The following NSMAF variants were observed in gnomAD, a reference collection of about 807,000 sequenced individuals.
NSMAF encodes protein FAN.
In NSMAF, 90 loss-of-function variants were observed where a neutral mutation model predicts 134.9. That is an observed-to-expected ratio of 0.67 (90% confidence interval 0.56 to 0.79). NSMAF has a LOEUF of 0.79. NSMAF is among the 30% of genes least tolerant of loss of function. NSMAF has a pLI of 0.00. For synonymous variants in NSMAF, 358 were observed against 389.6 expected, an observed-to-expected ratio of 0.92 and a Z score of 0.96; for missense variants, 1,010 against 1,119.0, an observed-to-expected ratio of 0.90 and a Z score of 1.39.
chr8:58,656,597 C>A (rs984749829), intron 1 of NSMAF, among the ~76,000 whole-genome samples: 3 of 151,910 alleles, frequency 2.0e-5, no homozygotes, highest in Non-Finnish European at 4.4e-5. Flanking sequence ...GAGGCCAAGG[C>A]GGGTGGGTGG....
At chr8:58,624,529 G>C (rs1806872445) in intron 6 of NSMAF, among the ~76,000 whole-genome samples, 1 of 150,896 alleles carries the variant, frequency 6.6e-6, no homozygotes, top group Non-Finnish European at 1.5e-5. Context: ...TTTTTTGAGA[G>C]AATGTTGTTT....
At chr8:58,594,675 T>A (rs183904597) in intron 22 of NSMAF, 167 of 205,186 alleles carry the variant, frequency 8.1e-4, no homozygotes, top group Non-Finnish European at 1.4e-3. Context: ...ACTCAGTGAC[T>A]ATTCAATGAT....
At position 58,589,361 on chromosome 8, in the gene NSMAF, TATA is replaced by T. The variant is rs1805972877; in HGVS notation, c.2211+88_2211+90del. The T allele has an allele frequency of 2.9e-5, 31 of 1,064,560 alleles. 2 individuals are homozygous for T. The South Asian group carries it at 8.0e-4, about 27-fold the overall frequency. The allele number at this position is 1,064,560 out of a possible 1,614,324, so 65.9% of individuals were successfully genotyped here. A position where few individuals can be genotyped will look rare whatever the true frequency, so the allele number is the denominator to read the frequency against. Reference sequence around the variant, plus strand: ...ATTAGCAATAGGTAGTTGAGTGGCTTATAATATCTGTATGTACATTTTAAGCTA... The same window carrying T: ...ATTAGCAATAGGTAGTTGAGTGGCTTATATCTGTATGTACATTTTAAGCTA... On this transcript the variant is annotated intron_variant, in intron 26 of 30. Coordinates refer to ENST00000038176, the MANE Select transcript of NSMAF (RefSeq NM_003580.4).
At chr8:58,599,557 G>A in intron 18 of NSMAF, 193 bp downstream of exon 18, 1 of 866,250 alleles carries the variant, frequency 1.2e-6, no homozygotes, top group Non-Finnish European at 1.7e-6. Flanking sequence ...TTCACATTAA[G>A]GTCTCTCAAA....
intron 10 of NSMAF, among the ~76,000 whole-genome samples, chr8:58,608,787 CAG>C (rs1178720343): frequency 2.0e-5 from 3 of 152,174 alleles, no homozygotes; most frequent in Non-Finnish European, 1.5e-5. Context: ...ATCTTTCACT[CAG>C]GAGAGTTTGA....
At chr8:58,647,718 C>G (rs1345665081) in intron 1 of NSMAF, among the ~76,000 whole-genome samples, 2 of 152,202 alleles carry the variant, frequency 1.3e-5, no homozygotes, top group Non-Finnish European at 2.9e-5. Context: ...TAAAAGCTCC[C>G]TGAGGCTTAC....
intron 2 of NSMAF, among the ~76,000 whole-genome samples, chr8:58,639,698 C>G (rs1398442154): frequency 6.6e-6 from 1 of 152,028 alleles, no homozygotes; most frequent in Admixed American, 6.6e-5. Context: ...GATTTGGGAT[C>G]AATCTAAGTG....
At chr8:58,633,837 C>T (rs1003618023) in intron 5 of NSMAF, among the ~76,000 whole-genome samples, 7 of 152,084 alleles carry the variant, frequency 4.6e-5, no homozygotes, top group African/African-American at 1.7e-4. Context: ...TTAAATAATG[C>T]TTGAAAGAGT....
At chr8:58,587,729 T>C (rs1330970165) in intron 26 of NSMAF, 28 bp from the exon 27 acceptor site, 1 of 1,588,674 alleles carries the variant, frequency 6.3e-7, no homozygotes. Context: ...GCAGAAGGTA[T>C]TTTCAAACAT....
intron 11 of NSMAF, among the ~76,000 whole-genome samples, chr8:58,606,861 C>T (rs966562080): frequency 2.6e-5 from 4 of 152,050 alleles, no homozygotes; most frequent in South Asian, 4.2e-4. Context: ...CTTATAATGG[C>T]GAATAAATGA....
At chr8:58,610,312 T>A (rs1806500186) in intron 9 of NSMAF, among the ~76,000 whole-genome samples, 2 of 152,222 alleles carry the variant, frequency 1.3e-5, no homozygotes, top group African/African-American at 4.8e-5. Context: ...TCCCTTCTCA[T>A]TCTGCTTTAA....
At chr8:58,594,403 C>A in intron 22 of NSMAF, 113 bp from the exon 23 acceptor site, 3 of 924,530 alleles carry the variant, frequency 3.2e-6, no homozygotes, top group South Asian at 3.0e-5. Flanking sequence ...TTCTTCACAG[C>A]ATGTCTGCCG....
intron 21 of NSMAF, among the ~76,000 whole-genome samples, chr8:58,596,712 G>A (rs563616329): frequency 2.6e-5 from 4 of 152,208 alleles, no homozygotes; most frequent in African/African-American, 9.6e-5. Context: ...GGTGGATCAC[G>A]AGGTCAGGAG....
At chr8:58,586,323 T>C (rs1282040603) in intron 28 of NSMAF, 135 bp downstream of exon 28, 15 of 892,094 alleles carry the variant, frequency 1.7e-5, no homozygotes, top group Admixed American at 2.4e-5. Flanking sequence ...GTGTTAGCCA[T>C]TGGCAAAACC....
chr8:58,619,937 G>C (rs998403289), intron 9 of NSMAF, among the ~76,000 whole-genome samples: 1 of 152,076 alleles, frequency 6.6e-6, no homozygotes, highest in African/African-American at 2.4e-5. Context: ...TAAGGTCTGG[G>C]GCCCTGCACT....
intron 9 of NSMAF, among the ~76,000 whole-genome samples, chr8:58,622,354 T>G (rs1806805695): frequency 6.6e-6 from 1 of 151,878 alleles, no homozygotes; most frequent in Non-Finnish European, 1.5e-5. Context: ...CCACCTTGCC[T>G]CTCAAGTAGC....
At position 58,590,010 on chromosome 8, in the gene NSMAF, T is replaced by C. The variant is rs572419560; in HGVS notation, c.2084A>G (p.Asn695Ser). 19 of 1,613,338 alleles carry C rather than the reference T, an allele frequency of 1.2e-5. No homozygotes were observed. The Admixed American group carries it at 1.3e-4, about 11-fold the overall frequency. ...AGCAGGGTGCACAGATACATACACA[T>C]TATTATCCCATGAAGAAGTTATGAC... Reference protein sequence around the residue: ...ATVITSSWDNNVYFYSIAFGR... With the variant: ...ATVITSSWDNSVYFYSIAFGR... Residue 695 changes from asparagine to serine, a missense_variant, in exon 25 of 31, where the codon AAT becomes AGT. Transcript: ENST00000038176.
At chr8:58,590,296 GCCTGATGACTCT>G (rs1805993347) in intron 24 of NSMAF, among the ~76,000 whole-genome samples, 1 of 152,122 alleles carries the variant, frequency 6.6e-6, no homozygotes, top group Admixed American at 6.5e-5. Context: ...TTACGACCTA[GCCTGATGACTCT>G]CCAGGGTCCT....
At chr8:58,646,131 T>A (rs999853461) in intron 1 of NSMAF, among the ~76,000 whole-genome samples, 15 of 152,160 alleles carry the variant, frequency 9.9e-5, no homozygotes, top group African/African-American at 3.1e-4. Context: ...AATTTTACCA[T>A]CCTAATCTGT....
Sources: allele counts gnomAD v4.1 joint callset (sites outside exome capture counted in the v4.1 genomes callset), GRCh38; gene constraint gnomAD v4.1.1; transcripts MANE v1.5; gene names NCBI Gene and HGNC (gene_info 2026-07-23, HGNC 2026-07-21).